The following TFEC variants were observed in gnomAD, a reference collection of about 807,000 sequenced individuals.
TFEC encodes the protein transcription factor EC, also known as class E basic helix-loop-helix protein 34.
In TFEC, 31 loss-of-function variants were observed where a neutral mutation model predicts 41.6. The ratio of observed to expected loss-of-function variants is 0.74; its 90% CI spans 0.56 to 1.01. The LOEUF (loss-of-function observed/expected upper bound fraction) is 1.01. Among genes scored for constraint, TFEC ranks in the 50% least tolerant of loss-of-function variants. The pLI is 0.00. For synonymous variants in TFEC, 143 were observed against 140.6 expected, an observed-to-expected ratio of 1.02 and a Z score of -0.12; for missense variants, 402 against 404.1, an observed-to-expected ratio of 0.99 and a Z score of 0.04.
At position 115,937,979 on chromosome 7, in the gene TFEC, G is replaced by A. The variant is rs866258032; in HGVS notation, c.*2572C>T. 5.3e-5 allele frequency: 8 copies of A among 151,730 alleles called. No individual in the cohort carries two copies. Among genetic ancestry groups the A allele is most frequent in the Admixed American group, 2.0e-4 (3 of 15,220 alleles). The allele number at this position is 151,730 out of a possible 1,614,324, so 9.4% of individuals were successfully genotyped here. A position where few individuals can be genotyped will look rare whatever the true frequency, so the allele number is the denominator to read the frequency against. Reference sequence around the variant, plus strand: ...AATTTTTAATGTATTTCAGTTGACCGGGACACAGCATAACTCTTTACTCTC... The same window carrying A: ...AATTTTTAATGTATTTCAGTTGACCAGGACACAGCATAACTCTTTACTCTC... On this transcript the variant is annotated 3_prime_UTR_variant, in exon 8 of 8. Coordinates refer to ENST00000265440, the MANE Select transcript of TFEC (RefSeq NM_012252.4).
At chr7:115,945,998 A>G (rs1330563947) in intron 6 of TFEC, among the ~76,000 whole-genome samples, 2 of 151,762 alleles carry the variant, frequency 1.3e-5, no homozygotes, top group African/African-American at 2.4e-5. Flanking sequence ...AGTACTTACC[A>G]TTCTATGTTC....
At chr7:116,135,797 A>G (rs1200262984) in intron 1 of TFEC, among the ~76,000 whole-genome samples, 1 of 152,104 alleles carries the variant, frequency 6.6e-6, no homozygotes, top group African/African-American at 2.4e-5. Context: ...ATAAAAGCAG[A>G]GATGAGGGCT....
At chr7:116,024,161 T>G (rs1795502222) in intron 1 of TFEC, among the ~76,000 whole-genome samples, 1 of 152,294 alleles carries the variant, frequency 6.6e-6, no homozygotes, top group Admixed American at 6.5e-5. Context: ...CTACAACTAC[T>G]ATTTTTGCAA....
chr7:115,984,348 T>C lies in TFEC; in HGVS notation c.94A>G (p.Thr32Ala). The change falls in exon 2 of 8, where the codon ACT (threonine) becomes GCT (alanine). Residue 32 changes from threonine to alanine, a missense_variant. Coordinates refer to ENST00000265440, the MANE Select transcript of TFEC (RefSeq NM_012252.4). Reference sequence around the variant, plus strand: ...GTGAGGCCAGCATCACTGTCCAGAGTTGTGTGTGCATGCTGCACAAGAGGC... The same window carrying C: ...GTGAGGCCAGCATCACTGTCCAGAGCTGTGTGTGCATGCTGCACAAGAGGC... The part of the protein sequence containing the change: ...GGPLVQHAHT[T>A]LDSDAGLTEN... 1 of 1,614,066 alleles carries C rather than the reference T, an allele frequency of 6.2e-7. No homozygotes were observed. The highest frequency in any genetic ancestry group is 8.5e-7 in the Non-Finnish European group (1 of 1,179,972).
At chr7:116,067,935 C>A (rs990315856) in intron 3 of TFEC, among the ~76,000 whole-genome samples, 2 of 151,912 alleles carry the variant, frequency 1.3e-5, no homozygotes, top group African/African-American at 2.4e-5. Context: ...TAAGCCTATA[C>A]CTCCCTGAAA....
At chr7:116,082,163 C>T (rs1387073707) in intron 3 of TFEC, among the ~76,000 whole-genome samples, 5 of 151,866 alleles carry the variant, frequency 3.3e-5, no homozygotes, top group South Asian at 2.1e-4. Context: ...AATGCTTATT[C>T]GATATTTATA....
intron 2 of TFEC, among the ~76,000 whole-genome samples, chr7:116,111,337 T>C (rs1276180165): frequency 2.0e-5 from 3 of 152,172 alleles, no homozygotes; most frequent in African/African-American, 4.8e-5. Flanking sequence ...TGTGCAAGTA[T>C]ATTAAAATAT....
rs560850238 is a variant in TFEC, at chr7:115,973,690, G to T, written c.267+480C>A. 3.2e-4 allele frequency among the ~76,000 whole-genome samples: 49 copies of T among 151,884 alleles called. 1 individual carries two copies. The highest frequency in any genetic ancestry group is 1.1e-3 in the African/African-American group (47 of 41,468). On this transcript the variant is annotated intron_variant, in intron 3 of 7. Transcript: ENST00000265440. ...GGGTGAGGCCTGTTCTATCTTTTTC[G>T]ATTTGACTTTAACCTCTGGCTATTG...
At chr7:116,100,850 C>A (rs562623767) in intron 3 of TFEC, among the ~76,000 whole-genome samples, 19 of 151,874 alleles carry the variant, frequency 1.3e-4, no homozygotes, top group African/African-American at 4.6e-4. Flanking sequence ...GAGAACACAC[C>A]ATACAAGCAG....
chr7:116,129,486 C>G (rs1798285424), intron 1 of TFEC, among the ~76,000 whole-genome samples: 1 of 151,702 alleles, frequency 6.6e-6, no homozygotes, highest in African/African-American at 2.4e-5. Flanking sequence ...ATATAATAAT[C>G]CCCAAGGCTC....
intron 1 of TFEC, among the ~76,000 whole-genome samples, chr7:115,989,406 T>C (rs1331051169): frequency 1.9e-4 from 29 of 152,110 alleles, no homozygotes; most frequent in Non-Finnish European, 1.5e-5. Flanking sequence ...TGTCAGACAG[T>C]GGGTGCAGCC....
At chr7:115,994,525 C>A (rs566658530) in intron 1 of TFEC, among the ~76,000 whole-genome samples, 6 of 152,140 alleles carry the variant, frequency 3.9e-5, no homozygotes, top group Non-Finnish European at 8.8e-5. Flanking sequence ...AATCAAACAA[C>A]CCCATCAAAA....
rs75619400 is a variant in TFEC, at chr7:116,131,268, T to G, written c.-68-19230A>C. On this transcript the variant is annotated intron_variant, in intron 1 of 8. Coordinates refer to the TFEC transcript ENST00000484212. ...GCCATCCATATGCTCATGGAAATAA[T>G]GAATAAATATTTTAGACAGGATAGA... Among the ~76,000 whole-genome samples, 1,224 of 152,262 alleles carry G rather than the reference T, an allele frequency of 8.0e-3. 20 individuals are homozygous for G. Among genetic ancestry groups the G allele is most frequent in the African/African-American group, 0.028 (1,144 of 41,552 alleles).
Position 115,984,280 on chromosome 7 carries a change from A to G in TFEC, c.162T>C (p.Asp54=). ...LTKLLAIGKE[D]DNAQWHMEDV... ...GACATACATGCCATTGTGCATTGTC[A>G]TCTTCTTTCCCAATAGCTAGTAACT... Residue 54 remains aspartate, a synonymous_variant, in exon 2 of 8, where the codon GAT becomes GAC. Transcript: ENST00000265440. 6.2e-7 allele frequency: 1 copy of G among 1,614,026 alleles called. No individual in the cohort carries two copies. The highest frequency in any genetic ancestry group is 8.5e-7 in the Non-Finnish European group (1 of 1,179,914).
At position 116,030,755 on chromosome 7, in the gene TFEC, G is replaced by C; in HGVS notation, c.-195C>G. 4.1e-6 allele frequency: 4 copies of C among 985,394 alleles called. No individual in the cohort carries two copies. The highest frequency in any genetic ancestry group is 4.8e-6 in the Non-Finnish European group (4 of 829,936). 61.0% of individuals were successfully genotyped at this position (985,394 alleles called of 1,614,324 possible). A position where few individuals can be genotyped will look rare whatever the true frequency, so the allele number is the denominator to read the frequency against. On this transcript the variant is annotated 5_prime_UTR_variant, in exon 1 of 8. Coordinates refer to ENST00000265440, the MANE Select transcript of TFEC (RefSeq NM_012252.4). ...ACCAAAGTAAACGATCTAGCCGTGA[G>C]TAATGAATACTTTGGGCTGGTTGGA...
intron 1 of TFEC, among the ~76,000 whole-genome samples, chr7:116,116,193 G>A (rs542442526): frequency 6.6e-5 from 10 of 151,772 alleles, no homozygotes; most frequent in Middle Eastern, 3.4e-3. Flanking sequence ...TAGAGACATC[G>A]ACCAAAAAAA....
At chr7:116,146,901 C>T (rs1405688042) in intron 1 of TFEC, among the ~76,000 whole-genome samples, 1 of 152,022 alleles carries the variant, frequency 6.6e-6, no homozygotes, top group Non-Finnish European at 1.5e-5. Context: ...TGGGAGCTGA[C>T]CAGACATATT....
intron 1 of TFEC, among the ~76,000 whole-genome samples, chr7:116,122,061 A>G (rs541499214): frequency 1.3e-5 from 2 of 152,160 alleles, no homozygotes; most frequent in South Asian, 2.1e-4. Context: ...ATTATGGAGG[A>G]GTCTTCAGAC....
chr7:116,052,545 C>T (rs1213363720), intron 3 of TFEC, among the ~76,000 whole-genome samples: 2 of 152,046 alleles, frequency 1.3e-5, no homozygotes, highest in African/African-American at 4.8e-5. Flanking sequence ...TCTCCTGCCT[C>T]AGACTCCCGA....
Sources: allele counts gnomAD v4.1 joint callset (sites outside exome capture counted in the v4.1 genomes callset), GRCh38; gene constraint gnomAD v4.1.1; transcripts MANE v1.5; gene names NCBI Gene and HGNC (gene_info 2026-07-23, HGNC 2026-07-21).